Variants in SLC24A5 observed in about 807,000 individuals in gnomAD.
The protein encoded by SLC24A5 is solute carrier family 24 member 5.
Under a neutral mutation model 51.6 loss-of-function variants are expected in SLC24A5, and 46 were observed. The ratio of observed to expected loss-of-function variants is 0.89; its 90% CI spans 0.70 to 1.14. The LOEUF is 1.14. Among genes scored for constraint, SLC24A5 ranks in the 50% most tolerant of loss-of-function variants. SLC24A5 has a pLI of 0.00. For synonymous variants in SLC24A5, 230 were observed against 214.9 expected, an observed-to-expected ratio of 1.07 and a Z score of -0.62; for missense variants, 581 against 604.1, an observed-to-expected ratio of 0.96 and a Z score of 0.40.
intron 2 of SLC24A5, among the ~76,000 whole-genome samples, chr15:48,130,009 ACTTT>A: frequency 6.6e-6 from 1 of 152,080 alleles, no homozygotes; most frequent in East Asian, 1.9e-4. Context: ...ACCATTATAA[ACTTT>A]CTAACATGAC....
chr15:48,133,020 C>T (rs779490915), intron 2 of SLC24A5, among the ~76,000 whole-genome samples: 21 of 151,856 alleles, frequency 1.4e-4, no homozygotes, highest in Non-Finnish European at 2.5e-4. Context: ...AATGCCGTCC[C>T]AGCAGACTAC....
At chr15:48,141,350 G>C (rs573335961) in intron 8 of SLC24A5, 136 bp downstream of exon 8, 3 of 597,944 alleles carry the variant, frequency 5.0e-6, no homozygotes, top group Admixed American at 2.9e-5. Flanking sequence ...AGGCCGAGGC[G>C]GGTGGATCAC....
chr15:48,130,225 G>A (rs1412101704), intron 2 of SLC24A5, among the ~76,000 whole-genome samples: 1 of 152,046 alleles, frequency 6.6e-6, no homozygotes, highest in Non-Finnish European at 1.5e-5. Context: ...ATAGCTATGG[G>A]AGGAAAAAAC....
chr15:48,136,345 CTATT>C (rs1163616665), intron 5 of SLC24A5: 5 of 180,272 alleles, frequency 2.8e-5, no homozygotes, highest in African/African-American at 4.7e-5. Context: ...ATGTTCACCA[CTATT>C]TATTAATTTT....
chr15:48,126,093 G>A (rs1269637289), intron 2 of SLC24A5, among the ~76,000 whole-genome samples: 1 of 152,148 alleles, frequency 6.6e-6, no homozygotes, highest in African/African-American at 2.4e-5. Flanking sequence ...TTTCTCTTTT[G>A]GACCTATGTA....
intron 2 of SLC24A5, among the ~76,000 whole-genome samples, chr15:48,128,073 T>C (rs2038750320): frequency 6.6e-6 from 1 of 151,822 alleles, no homozygotes; most frequent in South Asian, 2.1e-4. Flanking sequence ...AGCAGTTTAA[T>C]TTTAGAAACA....
At chr15:48,133,524 G>A (rs1000291151) in intron 2 of SLC24A5, among the ~76,000 whole-genome samples, 24 of 151,984 alleles carry the variant, frequency 1.6e-4, no homozygotes, top group African/African-American at 4.8e-4. Context: ...GTAGTATTAC[G>A]TATTTTCTTA....
chr15:48,121,049 A>C lies in SLC24A5; in HGVS notation c.5A>C (p.Gln2Pro). 1 of 1,613,570 alleles carries C rather than the reference A, an allele frequency of 6.2e-7. No homozygotes were observed. The highest frequency in any genetic ancestry group is 8.5e-7 in the Non-Finnish European group (1 of 1,179,752). Reference protein sequence around the residue: MQTKGGQTWARR... With the variant: MPTKGGQTWARR... The stretch of plus-strand genomic sequence containing the variant: ...TGCAGTAAGAGCACAGCAGAAATGC[A>C]GACAAAAGGGGGCCAAACATGGGCG... The change falls in exon 1 of 9, where the codon CAG (glutamine) becomes CCG (proline). Residue 2 changes from glutamine (Q) to proline (P), a missense_variant. Transcript: ENST00000341459.
chr15:48,139,205 T>G (rs1213440267), intron 7 of SLC24A5, 30 bp downstream of exon 7: 2 of 1,552,356 alleles, frequency 1.3e-6, no homozygotes, highest in Non-Finnish European at 1.8e-6. Context: ...TAGCACAACT[T>G]GAAAATATTC....
chr15:48,142,212 C>T lies in SLC24A5; in HGVS notation c.1364C>T (p.Ala455Val). 1 of 1,613,640 alleles carries T rather than the reference C, an allele frequency of 6.2e-7. No individual in the cohort carries two copies. The highest frequency in any genetic ancestry group is 8.5e-7 in the Non-Finnish European group (1 of 1,179,814). Residue 455 changes from alanine (A) to valine (V), a missense_variant, in exon 9 of 9, where the codon GCA becomes GTA. Coordinates refer to ENST00000341459, the MANE Select transcript of SLC24A5 (RefSeq NM_205850.3). ...ATTTCAATTATTTTTCTTTTTTTAGCAGTTCACTTCAATGGCTGGAAACTA... is the reference window on the plus strand; with the variant it reads ...ATTTCAATTATTTTTCTTTTTTTAGTAGTTCACTTCAATGGCTGGAAACTA... ...LNISIIFLFLAVHFNGWKLDR... is the reference protein window; with the variant it reads ...LNISIIFLFLVVHFNGWKLDR...
intron 1 of SLC24A5, 100 bp from the exon 2 acceptor site, chr15:48,121,757 C>T (rs2038681321): frequency 8.2e-7 from 1 of 1,217,474 alleles, no homozygotes; most frequent in Admixed American, 2.1e-5. Flanking sequence ...AAAATTCCAC[C>T]CGGTTACCCC....
At position 48,139,158 on chromosome 15, in the gene SLC24A5, G is replaced by T; in HGVS notation, c.1061G>T (p.Trp354Leu). Reference protein sequence around the residue: ...WISAFTYILVWMVTITGETLE... With the variant: ...WISAFTYILVLMVTITGETLE... ...TCCGCATTTACATATATCCTGGTTT[G>T]GATGGTCACAATAACTGGTATGTAT... Residue 354 changes from tryptophan to leucine, a missense_variant, in exon 7 of 9, where the codon TGG becomes TTG. Transcript: ENST00000341459. The T allele has an allele frequency of 6.2e-7, 1 of 1,611,402 alleles. No individual in the cohort carries two copies. Among genetic ancestry groups the T allele is most frequent in the Non-Finnish European group, 8.5e-7 (1 of 1,178,426 alleles).
chr15:48,139,978 A>C (rs1266081069), intron 7 of SLC24A5: 5 of 152,212 alleles, frequency 3.3e-5, no homozygotes, highest in Non-Finnish European at 1.5e-5. Context: ...GCAAAGCCTA[A>C]ATAATTACTA....
chr15:48,125,480 A>C (rs2038721765), intron 2 of SLC24A5, among the ~76,000 whole-genome samples: 1 of 152,082 alleles, frequency 6.6e-6, no homozygotes, highest in African/African-American at 2.4e-5. Flanking sequence ...CTGCTACATG[A>C]TAAAACTTTA....
chr15:48,135,193 CT>C, intron 5 of SLC24A5: 1 of 404,008 alleles, frequency 2.5e-6, no homozygotes, highest in Non-Finnish European at 4.5e-6. Context: ...TCACAGTCTC[CT>C]TTTTTCTCTC....
chr15:48,134,314 G>T lies in SLC24A5; in HGVS notation c.358G>T (p.Ala120Ser). 1 of 1,613,596 alleles carries T rather than the reference G, an allele frequency of 6.2e-7. No homozygotes were observed. Among genetic ancestry groups the T allele is most frequent in the Non-Finnish European group, 8.5e-7 (1 of 1,179,644 alleles). ...GTTFMAAGSS[A>S]PELVTAFLGV... Reference sequence around the variant, plus strand: ...AACTTTCATGGCAGCGGGCAGTTCAGCTCCTGAATTAGTTACTGCTTTCCT... The same window carrying T: ...AACTTTCATGGCAGCGGGCAGTTCATCTCCTGAATTAGTTACTGCTTTCCT... Residue 120 changes from alanine (A) to serine (S), a missense_variant, in exon 3 of 9, where the codon GCT (alanine) becomes TCT (serine). Coordinates refer to ENST00000341459, the MANE Select transcript of SLC24A5 (RefSeq NM_205850.3).
chr15:48,128,795 G>A (rs1374937770), intron 2 of SLC24A5, among the ~76,000 whole-genome samples: 1 of 152,134 alleles, frequency 6.6e-6, no homozygotes, highest in Non-Finnish European at 1.5e-5. Flanking sequence ...CAGGCATACA[G>A]ATCTAAATAA....
chr15:48,136,346 T>C (rs1597261975), intron 5 of SLC24A5: 1 of 181,864 alleles, frequency 5.5e-6, no homozygotes, highest in South Asian at 1.9e-4. Flanking sequence ...TGTTCACCAC[T>C]ATTTATTAAT....
At position 48,121,975 on chromosome 15, in the gene SLC24A5, C is replaced by A. The variant is rs750899396; in HGVS notation, c.240C>A (p.Phe80Leu). 4 of 1,614,172 alleles carry A rather than the reference C, an allele frequency of 2.5e-6. No individual in the cohort carries two copies. Among genetic ancestry groups the A allele is most frequent in the Middle Eastern group, 1.6e-4 (1 of 6,062 alleles). The change falls in exon 2 of 9, where the codon TTC becomes TTA. Residue 80 changes from phenylalanine to leucine, a missense_variant. Transcript: ENST00000341459. Reference protein sequence around the residue: ...IIYFLIIVYMFMAISIVCDEY... With the variant: ...IIYFLIIVYMLMAISIVCDEY... The stretch of plus-strand genomic sequence containing the variant: ...ATTTCCTAATTATCGTTTACATGTT[C>A]ATGGCCATATCTATTGTCTGTGATG...
Sources: allele counts gnomAD v4.1 joint callset (sites outside exome capture counted in the v4.1 genomes callset), GRCh38; gene constraint gnomAD v4.1.1; transcripts MANE v1.5; gene names NCBI Gene and HGNC (gene_info 2026-07-23, HGNC 2026-07-21).